The following REXO1 variants were observed in gnomAD, a reference collection of about 807,000 sequenced individuals.
REXO1 encodes the protein REX1, RNA exonuclease 1 homolog.
In REXO1, 42 loss-of-function variants were observed where a neutral mutation model predicts 102.6. The observed-to-expected ratio is 0.41, with a 90% CI of 0.32 to 0.53. REXO1 has a LOEUF of 0.53. Ranked by LOEUF, REXO1 falls within the 20% of genes least tolerant of loss-of-function variation. The probability of loss-of-function intolerance (pLI) is 0.27; values close to 1 mark genes in which losing one functional copy is unlikely to be tolerated. For missense variants in REXO1, 1,819 were observed against 1,732.5 expected, an observed-to-expected ratio of 1.05 and a Z score of -0.89; for synonymous variants, 908 against 779.1, an observed-to-expected ratio of 1.17 and a Z score of -2.76.
chr19:1,841,327 C>T (rs903738033), intron 1 of REXO1, among the ~76,000 whole-genome samples: 2 of 152,342 alleles, frequency 1.3e-5, no homozygotes, highest in South Asian at 2.1e-4. Flanking sequence ...CAGCGCTCCC[C>T]GGAAACCTGC....
intron 1 of REXO1, among the ~76,000 whole-genome samples, chr19:1,833,822 C>G (rs1003832012): frequency 3.3e-5 from 5 of 152,250 alleles, no homozygotes; most frequent in African/African-American, 7.2e-5. Flanking sequence ...GCCAAGGCCA[C>G]TGTGGCGTGA....
At chr19:1,817,370 A>G (rs746668606) in intron 11 of REXO1, 41 bp from the exon 12 acceptor site, 12 of 1,603,086 alleles carry the variant, frequency 7.5e-6, no homozygotes, top group Admixed American at 3.3e-5. Context: ...TTCGGGGTGC[A>G]GTGGGGGCGG....
Position 1,825,869 on chromosome 19 carries a change from C to T in REXO1, c.1986G>A (p.Arg662=), listed in dbSNP as rs1320888920. The T allele has an allele frequency of 3.2e-5, 51 of 1,613,474 alleles. No homozygotes were observed. The highest frequency in any genetic ancestry group is 4.2e-5 in the Non-Finnish European group (49 of 1,179,810). The stretch of plus-strand genomic sequence containing the variant: ...GGCCTTGCTTGGAAAGGTGGGAGAT[C>T]CTCCTCTTCTGCCCGGGGAACAGAG... The part of the protein sequence containing the change: ...LTTLFPGQKR[R]ISHLSKQGQE... Residue 662 remains arginine, a synonymous_variant, in exon 3 of 16, where the codon AGG becomes AGA. Coordinates refer to ENST00000170168, the MANE Select transcript of REXO1 (RefSeq NM_020695.4).
At chr19:1,821,218 G>A (rs1267189936) in intron 5 of REXO1, among the ~76,000 whole-genome samples, 3 of 151,920 alleles carry the variant, frequency 2.0e-5, no homozygotes, top group Non-Finnish European at 2.9e-5. Flanking sequence ...GGTGGCGGGC[G>A]CCTGTAGTCC....
intron 1 of REXO1, among the ~76,000 whole-genome samples, chr19:1,835,565 T>C (rs563670815): frequency 2.6e-5 from 4 of 151,458 alleles, no homozygotes; most frequent in East Asian, 1.9e-4. Context: ...CATACATACA[T>C]ACACACACAC....
chr19:1,819,812 G>A (rs928087195), intron 7 of REXO1, 122 bp downstream of exon 7: 16 of 1,107,916 alleles, frequency 1.4e-5, no homozygotes, highest in East Asian at 6.0e-5. Context: ...ACAGCACCGC[G>A]CTTTCCTTTT....
intron 10 of REXO1, 149 bp from the exon 11 acceptor site, chr19:1,817,929 C>A (rs955345408): frequency 1.6e-6 from 1 of 638,472 alleles, no homozygotes; most frequent in Non-Finnish European, 2.7e-6. Context: ...GGAAGCAGAC[C>A]AGGCCCCGGC....
chr19:1,817,832 C>T, intron 10 of REXO1, 52 bp from the exon 11 acceptor site: 1 of 1,486,880 alleles, frequency 6.7e-7, no homozygotes, highest in African/African-American at 1.4e-5. Flanking sequence ...CACTCCACAG[C>T]CCCCGGGGCA....
chr19:1,842,989 G>A (rs1161526619), intron 1 of REXO1, among the ~76,000 whole-genome samples: 1 of 152,206 alleles, frequency 6.6e-6, no homozygotes, highest in African/African-American at 2.4e-5. Context: ...CTGCAAGAAG[G>A]CGGCTGCTCT....
chr19:1,828,915 A>G (rs1356410928), intron 1 of REXO1, among the ~76,000 whole-genome samples: 5 of 152,228 alleles, frequency 3.3e-5, no homozygotes, highest in Non-Finnish European at 7.3e-5. Context: ...CACACGGCTC[A>G]TGAAATGCGC....
chr19:1,843,278 CCCCAGGGCCCAGAGCCACAGCTG>C (rs1284642644), intron 1 of REXO1, among the ~76,000 whole-genome samples: 1 of 150,006 alleles, frequency 6.7e-6, no homozygotes, highest in Non-Finnish European at 1.5e-5. Flanking sequence ...GGTCCCAGCT[CCCCAGGGCCCAGAGCCACAGCTG>C]GGCAAAGCTT....
In REXO1 at chr19:1,831,070, G is replaced by A. The variant is rs763137965; in HGVS notation, c.158-2439C>T. On this transcript the variant is annotated intron_variant, in intron 1 of 15. Transcript: ENST00000170168. ...AGTGAGATCAGATTCCAACAAAGGC[G>A]CACGGGCCCACACCAAGCCCGCAGT... is the stretch of plus-strand genomic sequence containing the variant. Among the ~76,000 whole-genome samples, 17 of 152,186 alleles carry A rather than the reference G, an allele frequency of 1.1e-4. 1 individual carries two copies. The highest frequency in any genetic ancestry group is 6.5e-5 in the Admixed American group (1 of 15,274).
rs369278796 is a variant in REXO1, at chr19:1,817,813, G to A, written c.3017-33C>T. 165 of 1,584,988 alleles carry A rather than the reference G, an allele frequency of 1.0e-4. 1 individual carries two copies. Among genetic ancestry groups the A allele is most frequent in the South Asian group, 8.5e-4 (76 of 89,218 alleles). On this transcript the variant is annotated intron_variant, in intron 10 of 15. Coordinates refer to ENST00000170168, the MANE Select transcript of REXO1 (RefSeq NM_020695.4). Reference sequence around the variant, plus strand: ...GGACACAGACACACAGTCAGGGCCCGGCCAGGCCCACTCCACAGCCCCCGG... The same window carrying A: ...GGACACAGACACACAGTCAGGGCCCAGCCAGGCCCACTCCACAGCCCCCGG...
In REXO1 at chr19:1,817,728, A is replaced by C. The variant is rs777382767; in HGVS notation, c.3069T>G (p.Ser1023=). 4 of 1,612,464 alleles carry C rather than the reference A, an allele frequency of 2.5e-6. No homozygotes were observed. The Admixed American group carries it at 6.7e-5, about 27-fold the overall frequency. The part of the protein sequence containing the change: ...QYMCCSAAAG[S]VGCQVAKQHV... ...TCACCTTTGCGACTTGGCAGCCGAC[A>C]GAGCCGGCGGCAGCCGAGCAGCACA... The change falls in exon 11 of 16, where the codon TCT becomes TCG. Residue 1023 remains serine (S), a synonymous_variant. Coordinates refer to ENST00000170168, the MANE Select transcript of REXO1 (RefSeq NM_020695.4).
rs554469179 is a variant in REXO1 at position 1,828,429 on chromosome 19, G to A, written c.360C>T (p.Arg120=). The A allele has an allele frequency of 1.2e-5, 20 of 1,609,126 alleles. No homozygotes were observed. Among genetic ancestry groups the A allele is most frequent in the East Asian group, 2.2e-5 (1 of 44,810 alleles). ...RELLETTREH[R]SAEAPALAPR... is the part of the protein sequence containing the mutation. ...GCGCCAGGGCGGGGGCCTCGGCGGA[G>A]CGGTGCTCACGGGTCGTCTCCAGCA... Residue 120 remains arginine (R), a synonymous_variant, in exon 2 of 16, where the codon CGC becomes CGT. Coordinates refer to ENST00000170168, the MANE Select transcript of REXO1 (RefSeq NM_020695.4).
In REXO1 at chr19:1,828,588, G is replaced by T; in HGVS notation, c.201C>A (p.Pro67=). ...DPYNPELPKP[P]AQRENGTLGL... ...CCAGGGTGCCATTCTCCCTCTGCGC[G>T]GGGGGCTTGGGCAGCTCAGGGTTGT... Residue 67 remains proline (P), a synonymous_variant, in exon 2 of 16, where the codon CCC becomes CCA. Transcript: ENST00000170168. 8 of 1,603,140 alleles carry T rather than the reference G, an allele frequency of 5.0e-6. No individual in the cohort carries two copies. The highest frequency in any genetic ancestry group is 1.3e-5 in the African/African-American group (1 of 75,050).
At chr19:1,817,906 T>C (rs1175166085) in intron 10 of REXO1, 126 bp from the exon 11 acceptor site, 5 of 715,732 alleles carry the variant, frequency 7.0e-6, no homozygotes, top group Non-Finnish European at 1.2e-5. Flanking sequence ...GGCCTCAGCC[T>C]CTTGGTGGAG....
chr19:1,822,713 C>G (rs1349093163), intron 4 of REXO1: 1 of 152,334 alleles, frequency 6.6e-6, no homozygotes, highest in African/African-American at 2.4e-5. Flanking sequence ...TGAGGGGGCT[C>G]TGGGGAGGGG....
intron 1 of REXO1, among the ~76,000 whole-genome samples, chr19:1,834,704 G>A (rs548638593): frequency 6.2e-4 from 94 of 152,340 alleles, no homozygotes; most frequent in African/African-American, 2.2e-3. Flanking sequence ...TTTAAGGGCT[G>A]TGAAACCTGC....
Sources: gnomAD v4.1 joint callset for allele counts (sites outside exome capture counted in the v4.1 genomes callset) on GRCh38, gnomAD v4.1.1 for gene constraint, MANE v1.5 for transcripts, NCBI Gene and HGNC (gene_info 2026-07-23, HGNC 2026-07-21) for gene names.